ITGA8: variants seen among roughly 807,000 people sequenced by gnomAD.
ITGA8 encodes the protein integrin subunit alpha 8.
In ITGA8, 91 loss-of-function variants were observed where a neutral mutation model predicts 142.3. The ratio of observed to expected loss-of-function variants is 0.64; its 90% CI spans 0.54 to 0.76. ITGA8 has a LOEUF of 0.76. ITGA8 is among the 30% of genes least tolerant of loss of function. The probability of loss-of-function intolerance (pLI) is 0.00; values close to 1 mark genes in which losing one functional copy is unlikely to be tolerated. For missense variants in ITGA8, 1,406 were observed against 1,327.7 expected (o/e 1.06, Z -0.92); for synonymous variants, 505 against 485.2 (o/e 1.04, Z -0.54).
intron 11 of ITGA8, among the ~76,000 whole-genome samples, chr10:15,649,274 A>G (rs1834042890): frequency 1.3e-5 from 2 of 151,948 alleles, no homozygotes; most frequent in Admixed American, 6.6e-5. Flanking sequence ...TATATTATAT[A>G]CTATATATTG....
chr10:15,602,150 G>A (rs1041866125), intron 20 of ITGA8, among the ~76,000 whole-genome samples: 3 of 152,214 alleles, frequency 2.0e-5, no homozygotes, highest in African/African-American at 4.8e-5. Context: ...CAGGGGTGGA[G>A]TGACAAGAAG....
chr10:15,620,798 A>G (rs1476804696), intron 13 of ITGA8, among the ~76,000 whole-genome samples: 1 of 152,224 alleles, frequency 6.6e-6, no homozygotes, highest in Non-Finnish European at 1.5e-5. Flanking sequence ...ACATAAGTAT[A>G]GAAGTTTGTG....
At position 15,531,106 on chromosome 10, in the gene ITGA8, C is replaced by T. The variant is rs764973285; in HGVS notation, c.2926G>A (p.Val976Ile). 1.8e-5 allele frequency: 28 copies of T among 1,579,194 alleles called. No individual in the cohort carries two copies. Among genetic ancestry groups the T allele is most frequent in the Middle Eastern group, 3.3e-4 (2 of 6,028 alleles). ...YALASLVSFE[V>I]KKMPYTDQPA... ...TGATCTGTATAAGGCATCTTCTTAA[C>T]TTCAAAGGACACCAGGGATGCAAGA... The change falls in exon 28 of 30, where the codon GTT (valine) becomes ATT (isoleucine). Residue 976 changes from valine (V) to isoleucine (I), a missense_variant. Transcript: ENST00000378076.
intron 27 of ITGA8, among the ~76,000 whole-genome samples, chr10:15,542,622 TA>T (rs1249591538): frequency 6.6e-6 from 1 of 152,198 alleles, no homozygotes; most frequent in Non-Finnish European, 1.5e-5. Flanking sequence ...GTGATCAAAA[TA>T]TAAAATCCAC....
At chr10:15,595,680 G>C (rs1039719414) in intron 21 of ITGA8, among the ~76,000 whole-genome samples, 3 of 152,144 alleles carry the variant, frequency 2.0e-5, no homozygotes, top group African/African-American at 7.2e-5. Context: ...ACTGAAAAAG[G>C]AACGAGTGGT....
chr10:15,516,464 C>A lies in ITGA8; in HGVS notation c.*694G>T, dbSNP rs1288355723. On this transcript the variant is annotated 3_prime_UTR_variant, in exon 30 of 30. Transcript: ENST00000378076. ...AATGAGTTATCTGCACACAGTGGTT[C>A]TTAGGAGGAAACTGAGTGAGTGATT... 1 of 152,166 alleles carries A rather than the reference C, an allele frequency of 6.6e-6. No individual in the cohort carries two copies. Among genetic ancestry groups the A allele is most frequent in the African/African-American group, 2.4e-5 (1 of 41,448 alleles). The allele number at this position is 152,166 out of a possible 1,614,324, so 9.4% of individuals were successfully genotyped here. A position where few individuals can be genotyped will look rare whatever the true frequency, so the allele number is the denominator to read the frequency against.
chr10:15,549,201 G>GTTTTTTTTTTTTTTTTTTTTT lies in ITGA8; in HGVS notation c.2767-654_2767-634dup, dbSNP rs67683436. Among the ~76,000 whole-genome samples, 135 of 107,248 alleles carry GTTTTTTTTTTTTTTTTTTTTT rather than the reference G, an allele frequency of 1.3e-3. 12 individuals are homozygous for GTTTTTTTTTTTTTTTTTTTTT. Among genetic ancestry groups the GTTTTTTTTTTTTTTTTTTTTT allele is most frequent in the African/African-American group, 1.6e-3 (30 of 18,666 alleles). The allele number at this position is 107,248 out of a possible 152,430, so 70.4% of individuals were successfully genotyped here. A position where few individuals can be genotyped will look rare whatever the true frequency, so the allele number is the denominator to read the frequency against. ...TTCTTTCTTTTTTCTTTTCTTTTCT[G>GTTTTTTTTTTTTTTTTTTTTT]TTTTTTTTTTTTTTTTTTTTTTTTT... On this transcript the variant is annotated intron_variant, in intron 26 of 29. Transcript: ENST00000378076.
At chr10:15,665,078 G>A (rs557169332) in intron 8 of ITGA8, among the ~76,000 whole-genome samples, 6 of 152,252 alleles carry the variant, frequency 3.9e-5, no homozygotes, top group East Asian at 3.9e-4. Flanking sequence ...CTAGATCCCC[G>A]AGGAATCGCC....
chr10:15,685,453 T>C (rs1385830202), intron 3 of ITGA8, among the ~76,000 whole-genome samples: 1 of 152,230 alleles, frequency 6.6e-6, no homozygotes, highest in Non-Finnish European at 1.5e-5. Context: ...AGGACTTATA[T>C]ATGAAGGTTT....
At chr10:15,661,745 G>T (rs1296706681) in intron 8 of ITGA8, among the ~76,000 whole-genome samples, 1 of 152,156 alleles carries the variant, frequency 6.6e-6, no homozygotes, top group Non-Finnish European at 1.5e-5. Context: ...GGGGAGCCTT[G>T]GACAGGGACG....
chr10:15,664,763 A>G (rs1347826233), intron 8 of ITGA8, among the ~76,000 whole-genome samples: 2 of 145,450 alleles, frequency 1.4e-5, no homozygotes, highest in African/African-American at 2.6e-5. Flanking sequence ...GAGAACATGC[A>G]GTGTTTGGTT....
intron 27 of ITGA8, among the ~76,000 whole-genome samples, chr10:15,538,240 C>T (rs999360887): frequency 3.3e-5 from 5 of 152,166 alleles, no homozygotes; most frequent in Admixed American, 3.3e-4. Flanking sequence ...TGGCCAGGTG[C>T]AGTGGCTCAT....
chr10:15,587,123 A>G (rs1388488513), intron 22 of ITGA8, among the ~76,000 whole-genome samples: 1 of 151,990 alleles, frequency 6.6e-6, no homozygotes, highest in Non-Finnish European at 1.5e-5. Flanking sequence ...GGGTTTCACC[A>G]TGTTGGCCAG....
intron 25 of ITGA8, among the ~76,000 whole-genome samples, chr10:15,564,764 A>G (rs1276983220): frequency 3.9e-5 from 6 of 152,362 alleles, no homozygotes; most frequent in South Asian, 4.1e-4. Context: ...AGCAATGCAC[A>G]CTATCTTTTT....
chr10:15,691,793 C>T (rs1476811924), intron 2 of ITGA8, among the ~76,000 whole-genome samples: 1 of 152,024 alleles, frequency 6.6e-6, no homozygotes, highest in Non-Finnish European at 1.5e-5. Context: ...GAGAGGTGAC[C>T]AAGAGAATAG....
intron 15 of ITGA8, among the ~76,000 whole-genome samples, chr10:15,610,928 A>G (rs1355130095): frequency 6.6e-6 from 1 of 152,334 alleles, no homozygotes; most frequent in East Asian, 1.9e-4. Context: ...GTCACCAGTT[A>G]TATTAATATT....
chr10:15,719,804 G>T lies in ITGA8; in HGVS notation c.-33C>A, dbSNP rs1835529329. On this transcript the variant is annotated 5_prime_UTR_variant, in exon 1 of 30. The change creates a new upstream start codon in the 5' untranslated region. Transcript: ENST00000378076. The stretch of plus-strand genomic sequence containing the variant: ...CGCCCCGGTGGGTGGCTGCTACCCA[G>T]GAGCGCGAGCCGAGGACCCCTGCGG... 7.6e-7 allele frequency: 1 copy of T among 1,322,536 alleles called. No individual in the cohort carries two copies. The highest frequency in any genetic ancestry group is 4.2e-5 in the Admixed American group (1 of 23,970). 81.9% of individuals were successfully genotyped at this position (1,322,536 alleles called of 1,614,324 possible).
intron 2 of ITGA8, among the ~76,000 whole-genome samples, chr10:15,716,103 G>T (rs1835446318): frequency 1.3e-5 from 2 of 152,160 alleles, no homozygotes; most frequent in South Asian, 4.1e-4. Context: ...TCACAGCCTT[G>T]TTCATTCTGT....
intron 27 of ITGA8, among the ~76,000 whole-genome samples, chr10:15,544,966 C>A (rs1053366771): frequency 9.2e-5 from 14 of 152,252 alleles, no homozygotes; most frequent in Non-Finnish European, 1.8e-4. Context: ...AGCCTCCAGC[C>A]CCTCAAGCCT....
Sources: gnomAD v4.1 joint callset for allele counts (sites outside exome capture counted in the v4.1 genomes callset) on GRCh38, gnomAD v4.1.1 for gene constraint, MANE v1.5 for transcripts, NCBI Gene and HGNC (gene_info 2026-07-23, HGNC 2026-07-21) for gene names.